ZFR2: variants seen among roughly 807,000 people sequenced by gnomAD.
ZFR2 encodes zinc finger RNA binding protein 2, also known as zinc finger RNA-binding protein 2.
In ZFR2, 104 loss-of-function variants were observed where a neutral mutation model predicts 105.7. The observed-to-expected ratio is 0.98, with a 90% CI of 0.84 to 1.16. The LOEUF is 1.16. Ranked by LOEUF, ZFR2 falls within the 50% of genes most tolerant of loss-of-function variation. ZFR2 has a pLI of 0.00. For synonymous variants in ZFR2, 634 were observed against 597.7 expected, an observed-to-expected ratio of 1.06 and a Z score of -0.89; for missense variants, 1,425 against 1,355.5, an observed-to-expected ratio of 1.05 and a Z score of -0.80.
intron 1 of ZFR2, among the ~76,000 whole-genome samples, chr19:3,837,935 A>G (rs1288572444): frequency 6.6e-6 from 1 of 152,048 alleles, no homozygotes; most frequent in Non-Finnish European, 1.5e-5. Flanking sequence ...GAACATGACT[A>G]TGACACTTGA....
At chr19:3,828,941 T>C (rs940015865) in intron 5 of ZFR2, among the ~76,000 whole-genome samples, 2 of 150,622 alleles carry the variant, frequency 1.3e-5, no homozygotes, top group African/African-American at 2.4e-5. Context: ...ACTGTATGCA[T>C]GCTCTCTGGA....
intron 1 of ZFR2, among the ~76,000 whole-genome samples, chr19:3,864,726 CTCTCT>C (rs768941307): frequency 3.3e-4 from 50 of 152,106 alleles, no homozygotes; most frequent in African/African-American, 1.1e-3. Flanking sequence ...CTTTTCTTTT[CTCTCT>C]TCTCTTCTCT....
chr19:3,833,511 G>T, intron 3 of ZFR2, 153 bp downstream of exon 3: 1 of 584,680 alleles, frequency 1.7e-6, no homozygotes, highest in South Asian at 2.2e-5. Context: ...GGGAGGCGAA[G>T]CTTGCAGTGA....
chr19:3,821,205 CGGGCA>C, intron 10 of ZFR2, 130 bp downstream of exon 10: 1 of 1,265,444 alleles, frequency 7.9e-7, no homozygotes, highest in Non-Finnish European at 1.0e-6. Flanking sequence ...GCCCACTGCC[CGGGCA>C]CCCGTCTCCC....
In ZFR2 at chr19:3,831,500, G is replaced by T; in HGVS notation, c.655C>A (p.Pro219Thr). 1 of 1,553,560 alleles carries T rather than the reference G, an allele frequency of 6.4e-7. No individual in the cohort carries two copies. Among genetic ancestry groups the T allele is most frequent in the Non-Finnish European group, 8.7e-7 (1 of 1,149,060 alleles). Residue 219 changes from proline to threonine, a missense_variant, in exon 5 of 19, where the codon CCT becomes ACT. Physicochemically the swap from Pro to Thr is conservative, Grantham distance 38. Coordinates refer to ENST00000262961, the MANE Select transcript of ZFR2 (RefSeq NM_015174.2). ...GGGGGAGGCGGGGGCTGCGCTGGAG[G>T]ATAGAAAGGGCTGGCAGCGGAGTAC... ...SVYSAASPFY[P>T]PAQPPPPPGP...
chr19:3,843,889 T>C (rs1307336701), intron 1 of ZFR2, among the ~76,000 whole-genome samples: 1 of 149,860 alleles, frequency 6.7e-6, no homozygotes, highest in African/African-American at 2.5e-5. Context: ...GGCTACAAGG[T>C]GGATGAACCG....
chr19:3,835,086 C>T (rs2038066424), intron 1 of ZFR2, 103 bp from the exon 2 acceptor site: 2 of 1,373,874 alleles, frequency 1.5e-6, no homozygotes, highest in Non-Finnish European at 2.0e-6. Flanking sequence ...CCTGAGCTGC[C>T]CTGCTTGGTG....
rs1490186490 is a variant in ZFR2, at chr19:3,813,596, C to T, written c.2242+224G>A. Among the ~76,000 whole-genome samples, 2 of 152,224 alleles carry T rather than the reference C, an allele frequency of 1.3e-5. No homozygotes were observed. The highest frequency in any genetic ancestry group is 2.9e-5 in the Non-Finnish European group (2 of 68,032). ...CCCGAGCAAGGCCCCTGCAGCCAGG[C>T]TCTGAGCCCATCTGATGCTGTCACC... On this transcript the variant is annotated intron_variant, in intron 14 of 18. Coordinates refer to ENST00000262961, the MANE Select transcript of ZFR2 (RefSeq NM_015174.2). The surrounding 1 kb of genome is among the most constrained non-coding windows in gnomAD (Gnocchi z 4.4).
rs1443983109 is a variant in ZFR2, at chr19:3,805,209, G to A, written c.*740C>T. On this transcript the variant is annotated 3_prime_UTR_variant, in exon 19 of 19. Transcript: ENST00000262961. ...TTTAAAACCCCTTCCTGTACCACGA[G>A]GTGAGTTTAGAGCCAGCAAGATGCC... 6.6e-6 allele frequency: 1 copy of A among 152,062 alleles called. No homozygotes were observed. The highest frequency in any genetic ancestry group is 1.5e-5 in the Non-Finnish European group (1 of 68,032). 9.4% of individuals were successfully genotyped at this position (152,062 alleles called of 1,614,324 possible). A position where few individuals can be genotyped will look rare whatever the true frequency, so the allele number is the denominator to read the frequency against.
chr19:3,816,871 C>A, intron 12 of ZFR2, 26 bp from the exon 13 acceptor site: 1 of 1,531,798 alleles, frequency 6.5e-7, no homozygotes, highest in Non-Finnish European at 8.8e-7. Flanking sequence ...CACAGACGTG[C>A]GCCATCAGCG....
chr19:3,867,882 A>C (rs1599263134), intron 1 of ZFR2, among the ~76,000 whole-genome samples: 2 of 132,918 alleles, frequency 1.5e-5, no homozygotes, highest in Admixed American at 7.4e-5. Flanking sequence ...CCTACTCCAC[A>C]CCCCACCCCA....
chr19:3,823,521 C>G lies in ZFR2; in HGVS notation c.1214-118G>C. ...AGACTGCAGGCTGTGCCATCCCCCT[C>G]CCTCCTGTGATGTCAGGGGGAATGG... On this transcript the variant is annotated intron_variant, in intron 7 of 18. Coordinates refer to ENST00000262961, the MANE Select transcript of ZFR2 (RefSeq NM_015174.2). This position sits in a 1 kb window ranked among gnomAD's most constrained non-coding sequence, Gnocchi z 5.4. 9.6e-7 allele frequency: 1 copy of G among 1,045,372 alleles called. No individual in the cohort carries two copies. Among genetic ancestry groups the G allele is most frequent in the Non-Finnish European group, 1.4e-6 (1 of 737,612 alleles). 64.8% of individuals were successfully genotyped at this position (1,045,372 alleles called of 1,614,324 possible). A position where few individuals can be genotyped will look rare whatever the true frequency, so the allele number is the denominator to read the frequency against.
intron 1 of ZFR2, among the ~76,000 whole-genome samples, chr19:3,849,283 G>C (rs2038212796): frequency 6.6e-6 from 1 of 152,236 alleles, no homozygotes; most frequent in Admixed American, 6.5e-5. Context: ...ATCTGCTCCT[G>C]CTGTGCCTCC....
At chr19:3,815,862 C>T (rs1317835347) in intron 13 of ZFR2, among the ~76,000 whole-genome samples, 2 of 151,928 alleles carry the variant, frequency 1.3e-5, no homozygotes, top group East Asian at 3.9e-4. Context: ...TGCCATTCTC[C>T]TGCCTCAGCC....
intron 15 of ZFR2, 111 bp downstream of exon 15, chr19:3,811,161 T>C: frequency 9.2e-7 from 1 of 1,086,724 alleles, no homozygotes; most frequent in Non-Finnish European, 1.3e-6. Flanking sequence ...CGTCCCGGTC[T>C]GCGCTGGGAG....
In ZFR2 at chr19:3,838,222, AC is replaced by A. The variant is rs2038099223; in HGVS notation, c.54-3240del. 6.6e-6 allele frequency among the ~76,000 whole-genome samples: 1 copy of A among 152,200 alleles called. No individual in the cohort carries two copies. Among genetic ancestry groups the A allele is most frequent in the Non-Finnish European group, 1.5e-5 (1 of 68,026 alleles). On this transcript the variant is annotated intron_variant, in intron 1 of 18. Coordinates refer to ENST00000262961, the MANE Select transcript of ZFR2 (RefSeq NM_015174.2). This position sits in a 1 kb window ranked among gnomAD's most constrained non-coding sequence, Gnocchi z 4.9. ...CATCCCGACAATACATTCGATGAAC[AC>A]CGTGACTACTGACATTTGATGAACA...
rs747160977 is a variant in ZFR2 at position 3,825,333 on chromosome 19, G to A, written c.1110C>T (p.Pro370=). 47 of 1,585,990 alleles carry A rather than the reference G, an allele frequency of 3.0e-5. No individual in the cohort carries two copies. The highest frequency in any genetic ancestry group is 1.1e-4 in the East Asian group (5 of 43,702). Reference sequence around the variant, plus strand: ...GGGACGTGGGCTTGGCCTCTGCCCCGGGGGGGCTCTCTGTGGCCAGTGCAG... The same window carrying A: ...GGGACGTGGGCTTGGCCTCTGCCCCAGGGGGGCTCTCTGTGGCCAGTGCAG... ...LEPALATESP[P]GAEAKPTSPT... is the part of the protein sequence containing the mutation. Residue 370 remains proline, a synonymous_variant, in exon 7 of 19, where the codon CCC becomes CCT. Coordinates refer to ENST00000262961, the MANE Select transcript of ZFR2 (RefSeq NM_015174.2).
intron 1 of ZFR2, among the ~76,000 whole-genome samples, chr19:3,835,451 G>A (rs1178542415): frequency 2.0e-5 from 3 of 150,370 alleles, no homozygotes; most frequent in South Asian, 2.1e-4. Context: ...TCAGCCTCCC[G>A]AGTAGCTGGG....
intron 14 of ZFR2, among the ~76,000 whole-genome samples, 166 bp from the exon 15 acceptor site, chr19:3,811,532 G>A (rs1258366427): frequency 6.6e-6 from 1 of 151,690 alleles, no homozygotes; most frequent in African/African-American, 2.4e-5. Context: ...TTGGCTCACT[G>A]CAACCTCTGT....
Sources: allele counts gnomAD v4.1 joint callset (sites outside exome capture counted in the v4.1 genomes callset), GRCh38; gene constraint gnomAD v4.1.1; non-coding constraint Gnocchi (gnomAD v3.1); transcripts MANE v1.5; gene names NCBI Gene and HGNC (gene_info 2026-07-23, HGNC 2026-07-21).